GBF1: variants seen among roughly 807,000 people sequenced by gnomAD.
The protein encoded by GBF1 is Golgi-specific brefeldin A-resistance guanine nucleotide exchange factor 1.
Under a neutral mutation model 210.5 loss-of-function variants are expected in GBF1, and 114 were observed. The observed-to-expected ratio is 0.54, with a 90% CI of 0.47 to 0.63. GBF1 has a LOEUF of 0.63. Among genes scored for constraint, GBF1 ranks in the 30% least tolerant of loss-of-function variants. The pLI is 0.00. For synonymous variants in GBF1, 850 were observed against 889.2 expected (o/e 0.96, Z 0.78); for missense variants, 1,851 against 2,357.7 (o/e 0.79, Z 4.45).
chr10:102,361,954 T>C, intron 14 of GBF1, 42 bp downstream of exon 14: 2 of 1,254,634 alleles, frequency 1.6e-6, no homozygotes, highest in South Asian at 1.6e-5. Context: ...AAACGCATTA[T>C]AAAGGAAATC....
chr10:102,370,356 C>A, intron 27 of GBF1, 28 bp from the exon 28 acceptor site: 1 of 1,553,574 alleles, frequency 6.4e-7, no homozygotes, highest in Non-Finnish European at 8.9e-7. Flanking sequence ...TTTTCCATGC[C>A]TACTTTCCTG....
intron 3 of GBF1, among the ~76,000 whole-genome samples, chr10:102,294,237 A>T (rs1347715307): frequency 6.6e-6 from 1 of 152,168 alleles, no homozygotes; most frequent in East Asian, 1.9e-4. Flanking sequence ...TAGTGTTTAT[A>T]AAGTTTGCAG....
At chr10:102,351,146 G>A (rs528326836) in intron 4 of GBF1, 110 bp from the exon 5 acceptor site, 60 of 625,482 alleles carry the variant, frequency 9.6e-5, no homozygotes, top group Non-Finnish European at 1.7e-5. Flanking sequence ...AAGGAGCCAC[G>A]GGTTAGGGAA....
intron 3 of GBF1, among the ~76,000 whole-genome samples, chr10:102,295,009 C>T (rs1453726919): frequency 1.3e-5 from 2 of 152,178 alleles, no homozygotes; most frequent in Non-Finnish European, 2.9e-5. Flanking sequence ...ATAGCAGACA[C>T]CAATATATCC....
At chr10:102,316,798 T>G (rs1272097328) in intron 3 of GBF1, among the ~76,000 whole-genome samples, 3 of 152,224 alleles carry the variant, frequency 2.0e-5, no homozygotes, top group Non-Finnish European at 4.4e-5. Context: ...GACTTTGGAT[T>G]ATTCTTCTTT....
At chr10:102,281,527 TA>T (rs1444965156) in intron 3 of GBF1, among the ~76,000 whole-genome samples, 1 of 150,318 alleles carries the variant, frequency 6.7e-6, no homozygotes, top group East Asian at 1.9e-4. Flanking sequence ...ACATAAATTA[TA>T]ATCTATAAAT....
At chr10:102,369,464 A>AC in intron 24 of GBF1, 77 bp downstream of exon 24, 1 of 1,221,684 alleles carries the variant, frequency 8.2e-7, no homozygotes. Flanking sequence ...ACATAGAAGT[A>AC]AGTGGTTGAG....
rs745382383 is a variant in GBF1, at chr10:102,361,822, C to A, written c.1596C>A (p.Ile532=). The A allele has an allele frequency of 1.2e-6, 2 of 1,613,432 alleles. No homozygotes were observed. The highest frequency in any genetic ancestry group is 1.7e-6 in the Non-Finnish European group (2 of 1,179,462). The change falls in exon 14 of 40, where the codon ATC becomes ATA. Residue 532 remains isoleucine (I), a synonymous_variant. Coordinates refer to ENST00000369983, the MANE Select transcript of GBF1 (RefSeq NM_001377137.1). ...ALEAIVQLWR[I]PSFVTELYIN... ...AGGCCATTGTGCAGCTCTGGCGCAT[C>A]CCCAGCTTTGTCACAGAGCTCTACA...
chr10:102,362,050 CTTTTT>C (rs1164670758), intron 14 of GBF1, 138 bp downstream of exon 14: 231 of 124,486 alleles, frequency 1.9e-3, no homozygotes, highest in Middle Eastern at 8.6e-3. Context: ...CTTTTCTTTT[CTTTTT>C]TTTTTTTTTT....
intron 3 of GBF1, among the ~76,000 whole-genome samples, chr10:102,316,357 G>A (rs2078934466): frequency 6.6e-6 from 1 of 152,104 alleles, no homozygotes; most frequent in Non-Finnish European, 1.5e-5. Context: ...AAAGCGCTGG[G>A]ATTTACAGGC....
At chr10:102,353,460 A>T in intron 7 of GBF1, 140 bp from the exon 8 acceptor site, 1 of 711,894 alleles carries the variant, frequency 1.4e-6, no homozygotes, top group South Asian at 1.5e-5. Flanking sequence ...AAAAGGATGA[A>T]ATTAGTCTGC....
At chr10:102,242,048 T>G (rs934857553), upstream of GBF1, among the ~76,000 whole-genome samples, 1 of 152,236 alleles carries the variant, frequency 6.6e-6, no homozygotes, top group Non-Finnish European at 1.5e-5. Context: ...CTCTTCTTTC[T>G]CCTCAGCCGC....
At chr10:102,349,487 A>G (rs952204655) in intron 4 of GBF1, among the ~76,000 whole-genome samples, 2 of 152,188 alleles carry the variant, frequency 1.3e-5, no homozygotes, top group Non-Finnish European at 1.5e-5. Flanking sequence ...ATCCGAGATC[A>G]TGCCACTGGA....
chr10:102,338,151 A>C (rs893948813), intron 3 of GBF1, among the ~76,000 whole-genome samples: 2 of 152,054 alleles, frequency 1.3e-5, no homozygotes, highest in Non-Finnish European at 2.9e-5. Context: ...GTTTTTCATC[A>C]GTAGGTTTCT....
chr10:102,282,895 A>G (rs1565056383), intron 3 of GBF1, among the ~76,000 whole-genome samples: 1 of 152,212 alleles, frequency 6.6e-6, no homozygotes, highest in African/African-American at 2.4e-5. Flanking sequence ...AGAAAAATTT[A>G]AAAATTCAAT....
At chr10:102,285,871 T>C (rs2075891033) in intron 3 of GBF1, among the ~76,000 whole-genome samples, 1 of 152,180 alleles carries the variant, frequency 6.6e-6, no homozygotes, top group African/African-American at 2.4e-5. Context: ...TTTTCTAACT[T>C]TTAGAAAAAA....
intron 3 of GBF1, among the ~76,000 whole-genome samples, chr10:102,303,654 C>T (rs535233679): frequency 2.6e-5 from 4 of 152,282 alleles, no homozygotes; most frequent in Non-Finnish European, 5.9e-5. Context: ...GCTCACACCA[C>T]GCAGCTTCAG....
At chr10:102,260,954 T>C (rs2073126799) in intron 3 of GBF1, among the ~76,000 whole-genome samples, 1 of 152,158 alleles carries the variant, frequency 6.6e-6, no homozygotes, top group African/African-American at 2.4e-5. Context: ...CCTTATATAA[T>C]ATATTCATAT....
chr10:102,277,523 C>T (rs979487825), intron 3 of GBF1, among the ~76,000 whole-genome samples: 4 of 151,848 alleles, frequency 2.6e-5, no homozygotes, highest in South Asian at 2.1e-4. Context: ...GGATTACAGG[C>T]GCCCGCCACC....
Sources: allele counts gnomAD v4.1 joint callset (sites outside exome capture counted in the v4.1 genomes callset), GRCh38; gene constraint gnomAD v4.1.1; transcripts MANE v1.5; gene names NCBI Gene and HGNC (gene_info 2026-07-23, HGNC 2026-07-21).